CNTN4: variants seen among roughly 807,000 people sequenced by gnomAD.
The protein encoded by CNTN4 is contactin 4, also known as contactin-4.
In CNTN4, 77 loss-of-function variants were observed where a neutral mutation model predicts 122.5. The ratio of observed to expected loss-of-function variants is 0.63; its 90% CI spans 0.52 to 0.76. CNTN4 has a LOEUF of 0.76. CNTN4 is among the 30% of genes least tolerant of loss of function. The pLI is 0.00. For synonymous variants in CNTN4, 512 were observed against 447.0 expected (o/e 1.15, Z -1.83); for missense variants, 1,256 against 1,259.1 (o/e 1.00, Z 0.04).
At chr3:2,245,219 A>G (rs1223166661) in intron 2 of CNTN4, among the ~76,000 whole-genome samples, 1 of 152,056 alleles carries the variant, frequency 6.6e-6, no homozygotes, top group East Asian at 1.9e-4. Context: ...TTAGTAGAAG[A>G]TAAAGTCACT....
chr3:2,169,146 A>T (rs1386511046), intron 2 of CNTN4, among the ~76,000 whole-genome samples: 1 of 152,192 alleles, frequency 6.6e-6, no homozygotes, highest in Non-Finnish European at 1.5e-5. Context: ...TAAAAATTGT[A>T]GACCAGCTTC....
At chr3:2,293,496 C>G (rs1464485266) in intron 2 of CNTN4, among the ~76,000 whole-genome samples, 1 of 152,146 alleles carries the variant, frequency 6.6e-6, no homozygotes, top group African/African-American at 2.4e-5. Context: ...TGACTTTAGG[C>G]AAGTTACTTA....
intron 4 of CNTN4, among the ~76,000 whole-genome samples, chr3:2,632,773 A>G (rs569640164): frequency 3.0e-4 from 45 of 152,286 alleles, no homozygotes; most frequent in African/African-American, 1.0e-3. Context: ...CACAAGGTAT[A>G]TGTCATCACT....
chr3:2,659,508 G>C (rs375240381), intron 4 of CNTN4, among the ~76,000 whole-genome samples: 144 of 150,476 alleles, frequency 9.6e-4, no homozygotes, highest in African/African-American at 3.2e-3. Context: ...GAAAAAGAAG[G>C]AAGAGAGGGC....
At chr3:2,320,304 C>A (rs1363006767) in intron 2 of CNTN4, among the ~76,000 whole-genome samples, 1 of 152,100 alleles carries the variant, frequency 6.6e-6, no homozygotes, top group Non-Finnish European at 1.5e-5. Flanking sequence ...AAGAAACTGA[C>A]TGAAGCTACT....
chr3:2,412,538 C>T (rs549395820), intron 3 of CNTN4, among the ~76,000 whole-genome samples: 10 of 152,194 alleles, frequency 6.6e-5, no homozygotes, highest in Non-Finnish European at 1.5e-4. Flanking sequence ...CAGGCATGAG[C>T]CACCACACCC....
At position 2,634,002 on chromosome 3, in the gene CNTN4, A is replaced by G. The variant is rs565765701; in HGVS notation, c.55+62444A>G. 5.3e-5 allele frequency among the ~76,000 whole-genome samples: 8 copies of G among 152,324 alleles called. No individual in the cohort carries two copies. The South Asian group carries it at 1.5e-3, about 28-fold the overall frequency. ...CTCTACAAATGATATCCTATCCCTT[A>G]CAAGAACAGATAAACATAGTGGTTG... On this transcript the variant is annotated intron_variant, in intron 4 of 24. Coordinates refer to ENST00000418658, the MANE Select transcript of CNTN4 (RefSeq NM_175607.3).
intron 4 of CNTN4, among the ~76,000 whole-genome samples, chr3:2,602,882 C>G (rs1576178205): frequency 6.6e-6 from 1 of 152,098 alleles, no homozygotes; most frequent in Non-Finnish European, 1.5e-5. Flanking sequence ...TGAGAAAAAG[C>G]AAGGCTTAAG....
At chr3:2,919,189 C>CAAAAAAAAA (rs72363068) in intron 12 of CNTN4, among the ~76,000 whole-genome samples, 7 of 138,002 alleles carry the variant, frequency 5.1e-5, no homozygotes, top group African/African-American at 1.9e-4. Flanking sequence ...ACTAAAAATA[C>CAAAAAAAAA]AAAAAAAAAA....
At chr3:2,120,752 T>C (rs2033718814) in intron 2 of CNTN4, among the ~76,000 whole-genome samples, 1 of 152,038 alleles carries the variant, frequency 6.6e-6, no homozygotes, top group Non-Finnish European at 1.5e-5. Context: ...TGTGGACTGC[T>C]AGCTAAGGCT....
intron 3 of CNTN4, among the ~76,000 whole-genome samples, chr3:2,410,189 T>A (rs1441692512): frequency 1.3e-5 from 2 of 152,194 alleles, no homozygotes; most frequent in African/African-American, 4.8e-5. Flanking sequence ...TTGGCCAATG[T>A]AAGAAGATGG....
At chr3:2,545,076 G>C (rs548169036) in intron 3 of CNTN4, among the ~76,000 whole-genome samples, 97 of 152,042 alleles carry the variant, frequency 6.4e-4, no homozygotes, top group African/African-American at 2.3e-3. Context: ...TTGTATCTTT[G>C]TTCTTATTAG....
chr3:2,626,986 C>A lies in CNTN4; in HGVS notation c.55+55428C>A, dbSNP rs191354062. On this transcript the variant is annotated intron_variant, in intron 4 of 24. Coordinates refer to ENST00000418658, the MANE Select transcript of CNTN4 (RefSeq NM_175607.3). The stretch of plus-strand genomic sequence containing the variant: ...TTTTGTGTGTCCATACTCAGTCTGC[C>A]CTTGGTTCCCACTCCCCACTTTGCT... 3.7e-4 allele frequency among the ~76,000 whole-genome samples: 57 copies of A among 152,290 alleles called. 1 individual carries two copies. In the East Asian group the frequency reaches 0.011, roughly 28 times the overall value.
chr3:2,123,655 AC>A (rs1269504139), intron 2 of CNTN4, among the ~76,000 whole-genome samples: 1 of 152,178 alleles, frequency 6.6e-6, no homozygotes, highest in East Asian at 1.9e-4. Context: ...TTCTAGCGCT[AC>A]ACTGGCTGTA....
intron 4 of CNTN4, among the ~76,000 whole-genome samples, chr3:2,613,802 T>A (rs2081598733): frequency 6.6e-6 from 1 of 151,992 alleles, no homozygotes; most frequent in Non-Finnish European, 1.5e-5. Flanking sequence ...AAAAGTCTGA[T>A]CAACAGCTTA....
intron 7 of CNTN4, among the ~76,000 whole-genome samples, chr3:2,864,733 T>C (rs2093705070): frequency 6.8e-5 from 1 of 14,802 alleles, no homozygotes; most frequent in African/African-American, 3.0e-4. Context: ...AAAGCAAAAC[T>C]CCATCTCAAA....
At chr3:2,140,961 C>A (rs2034965263) in intron 2 of CNTN4, among the ~76,000 whole-genome samples, 1 of 152,194 alleles carries the variant, frequency 6.6e-6, no homozygotes. Flanking sequence ...GTTTTATAAT[C>A]TGCCAGCCTG....
At chr3:2,168,386 T>C (rs982034286) in intron 2 of CNTN4, among the ~76,000 whole-genome samples, 3 of 152,158 alleles carry the variant, frequency 2.0e-5, no homozygotes, top group South Asian at 2.1e-4. Flanking sequence ...AAATCAATTA[T>C]ACTATGAACT....
At chr3:2,149,085 A>G (rs944316979) in intron 2 of CNTN4, among the ~76,000 whole-genome samples, 1 of 151,856 alleles carries the variant, frequency 6.6e-6, no homozygotes, top group African/African-American at 2.4e-5. Flanking sequence ...TGATTCTAAG[A>G]GTTTTTGTGT....
Sources: gnomAD v4.1 joint callset for allele counts (sites outside exome capture counted in the v4.1 genomes callset) on GRCh38, gnomAD v4.1.1 for gene constraint, MANE v1.5 for transcripts, NCBI Gene and HGNC (gene_info 2026-07-23, HGNC 2026-07-21) for gene names.